ASL: variants seen among roughly 807,000 people sequenced by gnomAD.
ASL encodes argininosuccinate lyase, also known as argininosuccinase.
In ASL, 51 loss-of-function variants were observed where a neutral mutation model predicts 69.1. That is an observed-to-expected ratio of 0.74 (90% CI 0.59 to 0.93). The LOEUF (loss-of-function observed/expected upper bound fraction) is 0.93. Among genes scored for constraint, ASL ranks in the 40% least tolerant of loss-of-function variants. The pLI is 0.00. For missense variants in ASL, 540 were observed against 623.9 expected (o/e 0.87, Z 1.43); for synonymous variants, 241 against 247.6 (o/e 0.97, Z 0.25).
At chr7:66,082,211 G>A (rs376113519) in intron 3 of ASL, among the ~76,000 whole-genome samples, 157 bp from the exon 4 acceptor site, 1 of 152,072 alleles carries the variant, frequency 6.6e-6, no homozygotes. Context: ...GTAAAGGTGT[G>A]CTGGGCCTGA....
intron 10 of ASL, among the ~76,000 whole-genome samples, chr7:66,088,460 A>G (rs1390855412): frequency 6.6e-6 from 1 of 152,178 alleles, no homozygotes; most frequent in East Asian, 1.9e-4. Flanking sequence ...CAGCCTGTGC[A>G]TTGGGAGCGA....
chr7:66,083,640 C>T (rs1005397797), intron 6 of ASL, among the ~76,000 whole-genome samples: 3 of 151,420 alleles, frequency 2.0e-5, no homozygotes, highest in Admixed American at 6.6e-5. Context: ...GCCGAGATCG[C>T]GCCATTGCAC....
rs1786673329 is a variant in ASL, at chr7:66,086,729, C to T, written c.525-15C>T. The T allele has an allele frequency of 6.2e-7, 1 of 1,609,216 alleles. No individual in the cohort carries two copies. The highest frequency in any genetic ancestry group is 8.5e-7 in the Non-Finnish European group (1 of 1,178,410). Reference sequence around the variant, plus strand: ...CCCCGGCTGCCCTGACCCTCCTGCCCCTGGCTTCCCACAGCCACGCCGTGG... The same window carrying T: ...CCCCGGCTGCCCTGACCCTCCTGCCTCTGGCTTCCCACAGCCACGCCGTGG... On this transcript the variant is annotated splice_polypyrimidine_tract_variant and intron_variant, in intron 7 of 16. Transcript: ENST00000304874.
rs1020917586 is a variant in ASL at position 66,082,737 on chromosome 7, G to C, written c.292-143G>C. On this transcript the variant is annotated intron_variant, in intron 4 of 16. Coordinates refer to ENST00000304874, the MANE Select transcript of ASL (RefSeq NM_000048.4). The stretch of plus-strand genomic sequence containing the variant: ...GAAAAGAAAAAAAGAACAGGCCTCA[G>C]CAGAAATGGCGAGAGATTTGGGGAG... 37 of 1,024,334 alleles carry C rather than the reference G, an allele frequency of 3.6e-5. No individual in the cohort carries two copies. In the African/African-American group the frequency reaches 4.8e-4, roughly 13 times the overall value. The allele number at this position is 1,024,334 out of a possible 1,614,324, so 63.5% of individuals were successfully genotyped here.
intron 5 of ASL, 62 bp downstream of exon 5, chr7:66,082,998 G>C (rs1786554815): frequency 1.2e-6 from 2 of 1,611,362 alleles, no homozygotes; most frequent in African/African-American, 2.7e-5. Flanking sequence ...CCAGGGGGCA[G>C]TTAGAGTTCT....
At chr7:66,087,128 GT>G in intron 8 of ASL, 1 of 667,584 alleles carries the variant, frequency 1.5e-6, no homozygotes. Flanking sequence ...GGGGACAAGT[GT>G]TTTGTGGACA....
intron 13 of ASL, 81 bp downstream of exon 13, chr7:66,089,416 T>C: frequency 6.5e-7 from 1 of 1,528,614 alleles, no homozygotes; most frequent in Non-Finnish European, 8.9e-7. Flanking sequence ...CACCCCGGGA[T>C]TGCCATACAT....
At chr7:66,076,266 G>A (rs1786344384) in intron 2 of ASL, among the ~76,000 whole-genome samples, 173 bp downstream of exon 2, 1 of 152,208 alleles carries the variant, frequency 6.6e-6, no homozygotes. Context: ...GAGCCCAGCA[G>A]TCACCTTTAC....
intron 14 of ASL, among the ~76,000 whole-genome samples, chr7:66,090,283 CA>C (rs1786805942): frequency 6.6e-6 from 1 of 151,592 alleles, no homozygotes; most frequent in Admixed American, 6.6e-5. Flanking sequence ...CTTTAAAAAA[CA>C]TTTTTTAGAG....
chr7:66,082,558 C>G, intron 4 of ASL, 107 bp downstream of exon 4: 3 of 1,274,576 alleles, frequency 2.4e-6, no homozygotes, highest in Non-Finnish European at 3.3e-6. Context: ...TGGCAGACAG[C>G]ATGTGAGACC....
chr7:66,089,948 T>G (rs1786796662), intron 14 of ASL, among the ~76,000 whole-genome samples: 1 of 152,036 alleles, frequency 6.6e-6, no homozygotes, highest in African/African-American at 2.4e-5. Flanking sequence ...AAAGAAAATC[T>G]AAACAAAAGG....
At chr7:66,079,275 G>C (rs1786436167) in intron 2 of ASL, among the ~76,000 whole-genome samples, 1 of 152,080 alleles carries the variant, frequency 6.6e-6, no homozygotes, top group East Asian at 1.9e-4. Flanking sequence ...GGGCATTGTA[G>C]GGGGACAGAG....
intron 2 of ASL, among the ~76,000 whole-genome samples, chr7:66,077,296 T>C (rs1786374933): frequency 6.6e-6 from 1 of 152,106 alleles, no homozygotes. Context: ...CCAGGTGTGG[T>C]GGCGTACACC....
At chr7:66,083,671 G>A (rs1322529291) in intron 6 of ASL, among the ~76,000 whole-genome samples, 1 of 151,102 alleles carries the variant, frequency 6.6e-6, no homozygotes, top group Non-Finnish European at 1.5e-5. Flanking sequence ...GCTACAGAGC[G>A]AGACTCCTGT....
intron 6 of ASL, chr7:66,083,438 A>C: frequency 2.6e-6 from 1 of 386,424 alleles, no homozygotes; most frequent in African/African-American, 2.1e-5. Flanking sequence ...TAATCTCAGC[A>C]CTTTGGGAGG....
At position 66,076,672 on chromosome 7, in the gene ASL, G is replaced by C. The variant is rs1786354615; in HGVS notation, c.12+579G>C. Reference sequence around the variant, plus strand: ...TCAGTGGCTCCTGGCCTCTCCTCCTGACCACTGAGATGCTGGATTCCCAGG... The same window carrying C: ...TCAGTGGCTCCTGGCCTCTCCTCCTCACCACTGAGATGCTGGATTCCCAGG... On this transcript the variant is annotated intron_variant, in intron 2 of 16. Coordinates refer to ENST00000304874, the MANE Select transcript of ASL (RefSeq NM_000048.4). Among the ~76,000 whole-genome samples the C allele has an allele frequency of 3.3e-5, 5 of 152,236 alleles. No homozygotes were observed. The South Asian group carries it at 1.0e-3, about 32-fold the overall frequency.
In ASL at chr7:66,092,859, G is replaced by A. The variant is rs139410488; in HGVS notation, c.1342G>A (p.Val448Ile). 2.1e-4 allele frequency: 332 copies of A among 1,612,658 alleles called. No homozygotes were observed. The highest frequency in any genetic ancestry group is 2.7e-4 in the Non-Finnish European group (316 of 1,179,974). ...CCTGGGCGGCACTGCGCGCTCCAGC[G>A]TCGACTGGCAGATCCGCCAGGTGCG... is the stretch of plus-strand genomic sequence containing the variant. ...GALGGTARSS[V>I]DWQIRQVRAL... is the part of the protein sequence containing the mutation. Residue 448 changes from valine (V) to isoleucine (I), a missense_variant, in exon 17 of 17, where the codon GTC becomes ATC. By Grantham distance (29) the Val-to-Ile change is conservative. Transcript: ENST00000304874.
intron 2 of ASL, among the ~76,000 whole-genome samples, chr7:66,077,792 C>T (rs1786391415): frequency 6.6e-6 from 1 of 152,166 alleles, no homozygotes; most frequent in African/African-American, 2.4e-5. Context: ...TACATTCGAC[C>T]TTAACTGTTG....
intron 5 of ASL, 60 bp from the exon 6 acceptor site, chr7:66,083,017 C>G: frequency 6.2e-7 from 1 of 1,611,700 alleles, no homozygotes; most frequent in South Asian, 1.1e-5. Flanking sequence ...CTGCAGCGGT[C>G]CTGGCTCCTC....
Sources: gnomAD v4.1 joint callset for allele counts (sites outside exome capture counted in the v4.1 genomes callset) on GRCh38, gnomAD v4.1.1 for gene constraint, MANE v1.5 for transcripts, NCBI Gene and HGNC (gene_info 2026-07-23, HGNC 2026-07-21) for gene names.